The following DCDC1 variants were observed in gnomAD, a reference collection of about 807,000 sequenced individuals.
DCDC1 encodes doublecortin domain containing 1.
In DCDC1, 200 loss-of-function variants were observed where a neutral mutation model predicts 178.3. The observed-to-expected ratio is 1.12, with a 90% CI of 1.00 to 1.26. The LOEUF is 1.26. Among genes scored for constraint, DCDC1 ranks in the 50% most tolerant of loss-of-function variants. The pLI is 0.00. For synonymous variants in DCDC1, 690 were observed against 604.8 expected (o/e 1.14, Z -2.07); for missense variants, 1,983 against 1,749.2 (o/e 1.13, Z -2.38).
intron 12 of DCDC1, among the ~76,000 whole-genome samples, chr11:31,109,679 C>T (rs547940554): frequency 6.4e-4 from 97 of 152,252 alleles, no homozygotes; most frequent in Non-Finnish European, 7.4e-4. Flanking sequence ...CACTGCTGTG[C>T]GCTCGGGTGC....
At chr11:31,288,271 G>A (rs11031342) in intron 7 of DCDC1, among the ~76,000 whole-genome samples, 44,760 of 151,502 alleles carry the variant, frequency 0.3, 8,006 homozygotes, top group East Asian at 0.63. Flanking sequence ...TTCAAACCAT[G>A]GATGTGTATG....
intron 7 of DCDC1, among the ~76,000 whole-genome samples, chr11:31,271,795 G>A (rs1329029042): frequency 6.6e-6 from 1 of 152,106 alleles, no homozygotes. Flanking sequence ...AGGCAAGGAG[G>A]AGCAAGTCAC....
chr11:30,875,782 G>GA lies in DCDC1; in HGVS notation c.*40+2761dup, dbSNP rs199994116. ...TATTTAATTATGATAAACAATCAAG[G>GA]AAAAAAACAGAGATTTAGGGTTATT... On this transcript the variant is annotated intron_variant, in intron 38 of 38. Coordinates refer to ENST00000684477, the MANE Select transcript of DCDC1 (RefSeq NM_001387274.1). 1.3e-3 allele frequency among the ~76,000 whole-genome samples: 191 copies of GA among 152,144 alleles called. 1 individual carries two copies. In the East Asian group the frequency reaches 0.035, roughly 28 times the overall value.
rs747225139 is a variant in DCDC1 at position 30,931,922 on chromosome 11, C to A, written c.2746G>T (p.Val916Phe). The part of the protein sequence containing the change: ...EFDWPIQGLL[V>F]PSSPPMKKPI... Reference sequence around the variant, plus strand: ...TTCTTCATGGGAGGACTGCTCGGAACAAGCAGTCCTTGTATTGGCCAATCA... The same window carrying A: ...TTCTTCATGGGAGGACTGCTCGGAAAAAGCAGTCCTTGTATTGGCCAATCA... Residue 916 changes from valine (V) to phenylalanine (F), a missense_variant, in exon 22 of 39, where the codon GTT becomes TTT. Physicochemically the swap from Val to Phe is conservative, Grantham distance 50. Coordinates refer to ENST00000684477, the MANE Select transcript of DCDC1 (RefSeq NM_001387274.1). 3 of 1,612,294 alleles carry A rather than the reference C, an allele frequency of 1.9e-6. No homozygotes were observed. The highest frequency in any genetic ancestry group is 1.7e-6 in the Non-Finnish European group (2 of 1,179,036).
chr11:31,067,415 A>G (rs1428665021), intron 18 of DCDC1, among the ~76,000 whole-genome samples: 1 of 152,180 alleles, frequency 6.6e-6, no homozygotes, highest in South Asian at 2.1e-4. Context: ...GATGACAAAG[A>G]AAAACAAAAT....
chr11:31,200,912 T>A (rs944641607), intron 9 of DCDC1, among the ~76,000 whole-genome samples: 4 of 151,722 alleles, frequency 2.6e-5, no homozygotes, highest in Admixed American at 1.3e-4. Flanking sequence ...AAATATATGA[T>A]CCCTAGCACA....
At chr11:31,064,398 A>T in intron 20 of DCDC1, 71 bp downstream of exon 20, 1 of 665,998 alleles carries the variant, frequency 1.5e-6, no homozygotes, top group East Asian at 2.5e-5. Flanking sequence ...CAAGAAATCA[A>T]TCTTACATGA....
At chr11:31,348,047 A>G (rs1008561740) in intron 1 of DCDC1, among the ~76,000 whole-genome samples, 2 of 152,138 alleles carry the variant, frequency 1.3e-5, no homozygotes, top group Non-Finnish European at 2.9e-5. Context: ...CATGTTAGTA[A>G]CTTGCTTACT....
chr11:31,141,881 AAATC>A (rs1183328632), intron 9 of DCDC1, among the ~76,000 whole-genome samples: 4 of 152,228 alleles, frequency 2.6e-5, no homozygotes, highest in African/African-American at 4.8e-5. Context: ...TCTAACCACG[AAATC>A]AATCATTTGT....
intron 25 of DCDC1, 53 bp from the exon 26 acceptor site, chr11:30,917,081 A>T: frequency 6.5e-7 from 1 of 1,529,510 alleles, no homozygotes; most frequent in East Asian, 2.3e-5. Context: ...TCGTGTTCAC[A>T]GAATTTTTTT....
intron 1 of DCDC1, among the ~76,000 whole-genome samples, chr11:31,354,195 A>G (rs1591838819): frequency 6.6e-6 from 1 of 152,158 alleles, no homozygotes; most frequent in Non-Finnish European, 1.5e-5. Flanking sequence ...CTGAGGCAGG[A>G]GAATCTCCTG....
chr11:31,029,255 A>G (rs1439315356), intron 20 of DCDC1, among the ~76,000 whole-genome samples: 1 of 152,124 alleles, frequency 6.6e-6, no homozygotes, highest in African/African-American at 2.4e-5. Flanking sequence ...TAATTCCTGA[A>G]ATAAAAGCTC....
intron 9 of DCDC1, among the ~76,000 whole-genome samples, chr11:31,186,872 G>A (rs370504251): frequency 4.9e-4 from 74 of 152,248 alleles, no homozygotes; most frequent in Middle Eastern, 3.4e-3. Flanking sequence ...GCAAATCTGT[G>A]GCCAGTTTGG....
rs190777730 is a variant in DCDC1, at chr11:31,331,915, C to T, written c.-7+3532G>A. The stretch of plus-strand genomic sequence containing the variant: ...TCATAAAATGAGTTAGGGATGATTC[C>T]CTCTTTTTCTATTGATTGGAATAGT... On this transcript the variant is annotated intron_variant, in intron 2 of 38. Transcript: ENST00000684477. Among the ~76,000 whole-genome samples, 1,251 of 152,182 alleles carry T rather than the reference C, an allele frequency of 8.2e-3. 7 individuals carry two copies. Among genetic ancestry groups the T allele is most frequent in the Middle Eastern group, 0.017 (5 of 294 alleles).
intron 9 of DCDC1, among the ~76,000 whole-genome samples, chr11:31,144,848 G>GTA (rs1382085590): frequency 6.6e-6 from 1 of 151,952 alleles, no homozygotes; most frequent in Admixed American, 6.6e-5. Flanking sequence ...TATTTTCTCA[G>GTA]TATATTGTTG....
chr11:31,058,956 T>C (rs758971375), intron 20 of DCDC1, among the ~76,000 whole-genome samples: 11 of 152,020 alleles, frequency 7.2e-5, no homozygotes, highest in Admixed American at 2.0e-4. Context: ...GACACTCTAG[T>C]TTGGGGGCTG....
At chr11:31,366,884 G>A (rs963371033) in intron 1 of DCDC1, among the ~76,000 whole-genome samples, 2 of 152,312 alleles carry the variant, frequency 1.3e-5, no homozygotes, top group Admixed American at 1.3e-4. Flanking sequence ...AAACAATAAC[G>A]AAGAATGAGG....
chr11:31,167,968 C>A (rs1966853026), intron 9 of DCDC1, among the ~76,000 whole-genome samples: 1 of 152,200 alleles, frequency 6.6e-6, no homozygotes, highest in African/African-American at 2.4e-5. Context: ...AGTCCCTTCA[C>A]AGCTTTAAGC....
At chr11:30,871,877 TGTATAC>T (rs1446144549) in intron 38 of DCDC1, among the ~76,000 whole-genome samples, 8 of 148,398 alleles carry the variant, frequency 5.4e-5, no homozygotes, top group East Asian at 3.9e-4. Flanking sequence ...CATATACATA[TGTATAC>T]ATATATATAC....
Sources: gnomAD v4.1 joint callset for allele counts (sites outside exome capture counted in the v4.1 genomes callset) on GRCh38, gnomAD v4.1.1 for gene constraint, MANE v1.5 for transcripts, NCBI Gene and HGNC (gene_info 2026-07-23, HGNC 2026-07-21) for gene names.